SATL1: variants seen among roughly 807,000 people sequenced by gnomAD.
SATL1 encodes the protein spermidine/spermine N1-acetyl transferase like 1, also known as spermidine/spermine N(1)-acetyltransferase-like protein 1.
Under a neutral mutation model 51.8 loss-of-function variants are expected in SATL1, and 47 were observed. The observed-to-expected ratio is 0.91, with a 90% confidence interval of 0.72 to 1.16. SATL1 has a LOEUF of 1.16. Ranked by LOEUF, SATL1 falls within the 50% of genes most tolerant of loss-of-function variation. SATL1 has a pLI of 0.00. For missense variants in SATL1, 520 were observed against 526.4 expected, an observed-to-expected ratio of 0.99 and a Z score of 0.12; for synonymous variants, 176 against 182.4, an observed-to-expected ratio of 0.97 and a Z score of 0.28.
intron 2 of SATL1, among the ~76,000 whole-genome samples, chrX:85,164,976 G>A (rs763253289): frequency 5.4e-5 from 6 of 110,582 alleles, no homozygotes; most frequent in Non-Finnish European, 1.1e-4. Flanking sequence ...TGCCCACCTC[G>A]GCCTCCCAAA....
At chrX:85,194,209 T>G (rs774638805) in intron 2 of SATL1, among the ~76,000 whole-genome samples, 2 of 112,103 alleles carry the variant, frequency 1.8e-5, no homozygotes, top group Non-Finnish European at 3.8e-5. Context: ...TAAGCCATGG[T>G]AAGAAATTTT....
At chrX:85,155,438 A>G (rs1434931078) in intron 2 of SATL1, among the ~76,000 whole-genome samples, 1 of 111,716 alleles carries the variant, frequency 9.0e-6, no homozygotes, top group African/African-American at 3.2e-5. Context: ...AGGATGATAC[A>G]TATCTTACTT....
intron 2 of SATL1, among the ~76,000 whole-genome samples, chrX:85,167,918 C>G (rs1217876096): frequency 2.7e-5 from 3 of 110,450 alleles, no homozygotes; most frequent in Non-Finnish European, 3.8e-5. Context: ...ACATCAAAGC[C>G]TACTTGTCCA....
chrX:85,214,613 A>C (rs1928000503), intron 2 of SATL1, among the ~76,000 whole-genome samples: 1 of 111,651 alleles, frequency 9.0e-6, no homozygotes, highest in African/African-American at 3.3e-5. Flanking sequence ...CAGAAATCTA[A>C]AGTTCAAAGT....
intron 2 of SATL1, among the ~76,000 whole-genome samples, chrX:85,184,177 A>C (rs1202967202): frequency 9.0e-6 from 1 of 111,366 alleles, no homozygotes; most frequent in Non-Finnish European, 1.9e-5. Context: ...TAATTTCTCC[A>C]TTCATCTGCT....
intron 2 of SATL1, chrX:85,118,245 A>C (rs1292581073): frequency 4.6e-5 from 5 of 108,781 alleles, no homozygotes; most frequent in Non-Finnish European, 9.5e-5. Flanking sequence ...GTTATCTTTA[A>C]GATGTCAATA....
intron 2 of SATL1, among the ~76,000 whole-genome samples, chrX:85,152,376 A>G (rs1055467361): frequency 8.9e-6 from 1 of 111,820 alleles, no homozygotes; most frequent in African/African-American, 3.3e-5. Flanking sequence ...GTGGGATTGT[A>G]AACTAGTTCA....
intron 1 of SATL1, among the ~76,000 whole-genome samples, chrX:85,239,051 TTG>T (rs1928533643): frequency 9.0e-6 from 1 of 110,576 alleles, no homozygotes; most frequent in Non-Finnish European, 1.9e-5. Flanking sequence ...CAATACTGCA[TTG>T]TACAACTAAA....
At chrX:85,133,040 G>A (rs1338797492) in intron 2 of SATL1, among the ~76,000 whole-genome samples, 1 of 111,335 alleles carries the variant, frequency 9.0e-6, no homozygotes, top group African/African-American at 3.3e-5. Flanking sequence ...TCATCTCAGA[G>A]GGGCACCCAG....
Position 85,108,491 on chromosome X carries a change from G to T in SATL1, c.478C>A (p.Gln160Lys). ...QPSMRQVGTS[Q>K]LGTSQIGMSQ... The stretch of plus-strand genomic sequence containing the variant: ...ATGCCTATTTGGCTTGTGCCTAATT[G>T]GCTGGTGCCTACTTGTCTCATGCTT... The change falls in exon 3 of 8, where the codon CAA becomes AAA. Residue 160 changes from glutamine to lysine, a missense_variant. Around this residue, in one of 3 missense-constraint regions of SATL1, gnomAD observed 488 missense variants for 474.3 expected, o/e 1.03. Coordinates refer to ENST00000644105, the MANE Select transcript of SATL1 (RefSeq NM_001367857.2). 1 of 1,211,920 alleles carries T rather than the reference G, an allele frequency of 8.3e-7. No individual in the cohort carries two copies. Among genetic ancestry groups the T allele is most frequent in the Non-Finnish European group, 1.1e-6 (1 of 895,587 alleles).
rs373535042 is a variant in SATL1 at position 85,129,554 on chromosome X, G to A, written c.-312-20274C>T. Among the ~76,000 whole-genome samples, 273 of 111,751 alleles carry A rather than the reference G, an allele frequency of 2.4e-3. 4 individuals are homozygous for A. The highest frequency in any genetic ancestry group is 3.8e-3 in the Non-Finnish European group (202 of 53,153). ...GCTTAAGGAGATTTTGGGCTGAGACGATGGGGTTTTTTAAATATACAATCA... is the reference window on the plus strand; with the variant it reads ...GCTTAAGGAGATTTTGGGCTGAGACAATGGGGTTTTTTAAATATACAATCA... On this transcript the variant is annotated intron_variant, in intron 2 of 7. Transcript: ENST00000644105.
At chrX:85,139,047 T>C (rs1212242262) in intron 2 of SATL1, among the ~76,000 whole-genome samples, 4 of 111,683 alleles carry the variant, frequency 3.6e-5, no homozygotes, top group Non-Finnish European at 5.6e-5. Context: ...GCCTGATTCA[T>C]GTGAATCTGT....
intron 2 of SATL1, among the ~76,000 whole-genome samples, chrX:85,149,881 A>G (rs1037267747): frequency 8.9e-6 from 1 of 112,057 alleles, no homozygotes; most frequent in African/African-American, 3.2e-5. Context: ...TAAAATTGAC[A>G]CCCTAACATC....
In SATL1 at chrX:85,140,846, T is replaced by G. The variant is rs1347788458; in HGVS notation, c.-312-31566A>C. On this transcript the variant is annotated intron_variant, in intron 2 of 7. Coordinates refer to ENST00000644105, the MANE Select transcript of SATL1 (RefSeq NM_001367857.2). The stretch of plus-strand genomic sequence containing the variant: ...TATTGTCCCTTTAATTAACATGGTT[T>G]GTCAGAATACTTTTGGCTGCAAGTA... Among the ~76,000 whole-genome samples the G allele has an allele frequency of 2.7e-5, 3 of 111,933 alleles. No homozygotes were observed. In the East Asian group the frequency reaches 8.4e-4, roughly 31 times the overall value.
chrX:85,115,821 C>G (rs1439167738), intron 2 of SATL1, among the ~76,000 whole-genome samples: 3 of 111,474 alleles, frequency 2.7e-5, no homozygotes, highest in Non-Finnish European at 5.6e-5. Context: ...CTCTGCCACT[C>G]TCATGAGCGT....
At chrX:85,194,176 A>G (rs916484834) in intron 2 of SATL1, among the ~76,000 whole-genome samples, 3 of 112,284 alleles carry the variant, frequency 2.7e-5, no homozygotes, top group Non-Finnish European at 5.6e-5. Context: ...CCTTGCCAGC[A>G]TCTGTTATTT....
At chrX:85,161,614 C>T (rs1001267411) in intron 2 of SATL1, among the ~76,000 whole-genome samples, 1 of 110,995 alleles carries the variant, frequency 9.0e-6, no homozygotes, top group South Asian at 3.7e-4. Context: ...AACAAGAAGA[C>T]CTAACTATCC....
intron 2 of SATL1, among the ~76,000 whole-genome samples, chrX:85,122,731 T>C (rs913969032): frequency 4.5e-5 from 5 of 111,809 alleles, no homozygotes; most frequent in African/African-American, 1.3e-4. Flanking sequence ...TGTTCAGGAG[T>C]TGGGTGTACA....
chrX:85,114,948 G>A (rs1925348797), intron 2 of SATL1, among the ~76,000 whole-genome samples: 1 of 111,723 alleles, frequency 9.0e-6, no homozygotes, highest in African/African-American at 3.3e-5. Context: ...TTAAGGAGAT[G>A]AGTAGCCTAT....
Sources: gnomAD v4.1 joint callset for allele counts (sites outside exome capture counted in the v4.1 genomes callset) on GRCh38, gnomAD v4.1.1 for gene constraint, gnomAD v4.1.1 regional missense constraint, MANE v1.5 for transcripts, NCBI Gene and HGNC (gene_info 2026-07-23, HGNC 2026-07-21) for gene names.